The following CPAP variants were observed in gnomAD, a reference collection of about 807,000 sequenced individuals.
The protein encoded by CPAP is centrosomal P4.1-associated protein.
chr13:24,915,561 T>C, the CPAP span, among the ~76,000 whole-genome samples: 2 of 152,116 alleles, frequency 1.3e-5, 1 homozygote, highest in African/African-American at 4.8e-5. Context: ...CCCAGCACTT[T>C]GGGAGGCCGA....
the CPAP span, chr13:24,905,375 T>C: frequency 6.2e-7 from 1 of 1,614,172 alleles, no homozygotes; most frequent in Admixed American, 1.7e-5. Flanking sequence ...TATGTTTAAC[T>C]TGAGTTCATT....
At chr13:24,908,012 C>A in the CPAP span, 2 of 1,574,566 alleles carry the variant, frequency 1.3e-6, no homozygotes, top group Admixed American at 1.7e-5. Context: ...TCAACACGAA[C>A]AATACCTTTC....
the CPAP span, chr13:24,885,757 C>G: frequency 1.1e-6 from 1 of 884,190 alleles, no homozygotes; most frequent in Non-Finnish European, 1.9e-6. Context: ...AGTTCATATC[C>G]TGTGAACTGC....
chr13:24,932,736 TC>T, the CPAP span, among the ~76,000 whole-genome samples: 1,849 of 152,308 alleles, frequency 0.012, 42 homozygotes, highest in African/African-American at 0.04. Context: ...CTAAAATCTG[TC>T]ATGTTTTTAT....
chr13:24,922,170 G>A, the CPAP span, among the ~76,000 whole-genome samples: 3 of 152,140 alleles, frequency 2.0e-5, no homozygotes, highest in African/African-American at 7.2e-5. Flanking sequence ...GAAATCTCCA[G>A]AAAGTGCTAT....
chr13:24,884,196 C>A, the CPAP span: 1 of 1,614,140 alleles, frequency 6.2e-7, no homozygotes, highest in Non-Finnish European at 8.5e-7. Flanking sequence ...GACTTCCAGT[C>A]CCTCCGGGTA....
the CPAP span, among the ~76,000 whole-genome samples, chr13:24,920,063 C>T: frequency 1.3e-5 from 2 of 152,174 alleles, no homozygotes; most frequent in South Asian, 2.1e-4. Context: ...TGAGTCACTG[C>T]GCCCAGCCTA....
the CPAP span, among the ~76,000 whole-genome samples, chr13:24,916,047 G>A: frequency 6.6e-6 from 1 of 152,154 alleles, no homozygotes; most frequent in Non-Finnish European, 1.5e-5. Context: ...GACAGAATAA[G>A]AAATTGAAGG....
the CPAP span, chr13:24,909,820 A>T: frequency 1.2e-6 from 2 of 1,613,384 alleles, no homozygotes; most frequent in Non-Finnish European, 1.7e-6. Flanking sequence ...TCTTCTTTTA[A>T]ATTATTTTTT....
At chr13:24,909,961 ATGTT>A in the CPAP span, 2 of 1,614,168 alleles carry the variant, frequency 1.2e-6, no homozygotes, top group African/African-American at 2.7e-5. Flanking sequence ...TTGGACGGGT[ATGTT>A]TCTTCCTGGG....
At chr13:24,916,767 A>C in the CPAP span, among the ~76,000 whole-genome samples, 1 of 152,214 alleles carries the variant, frequency 6.6e-6, no homozygotes. Flanking sequence ...ATAAACTCAC[A>C]TTTGCAATAA....
the CPAP span, among the ~76,000 whole-genome samples, chr13:24,909,511 G>C: frequency 1.3e-5 from 2 of 150,762 alleles, no homozygotes; most frequent in Admixed American, 1.3e-4. Context: ...CTGGGTGACA[G>C]AGCGAGACTG....
At chr13:24,913,553 C>T in the CPAP span, among the ~76,000 whole-genome samples, 5 of 152,180 alleles carry the variant, frequency 3.3e-5, no homozygotes, top group Admixed American at 2.0e-4. Flanking sequence ...CTGGCAGTTT[C>T]ACCTGTCCCT....
chr13:24,916,128 G>T, the CPAP span, among the ~76,000 whole-genome samples: 3 of 152,140 alleles, frequency 2.0e-5, no homozygotes, highest in Non-Finnish European at 4.4e-5. Context: ...AAGGTGAAGA[G>T]GAGTATTTTT....
the CPAP span, among the ~76,000 whole-genome samples, chr13:24,927,100 G>A: frequency 1.2e-4 from 19 of 152,244 alleles, no homozygotes; most frequent in Admixed American, 4.6e-4. Context: ...CAGAGTGCAC[G>A]CCCTCTAAAG....
At chr13:24,885,323 C>T in the CPAP span, 2 of 1,613,990 alleles carry the variant, frequency 1.2e-6, no homozygotes, top group Non-Finnish European at 1.7e-6. Flanking sequence ...TGGTCTTCCT[C>T]CTCCTCTTTA....
the CPAP span, among the ~76,000 whole-genome samples, chr13:24,887,465 C>T: frequency 6.6e-6 from 1 of 152,142 alleles, no homozygotes. Flanking sequence ...GCATTAGATT[C>T]TCATAGGAGC....
the CPAP span, chr13:24,913,086 C>T: frequency 6.8e-7 from 1 of 1,468,490 alleles, no homozygotes; most frequent in Non-Finnish European, 9.5e-7. Flanking sequence ...TATTGATTTC[C>T]AACACCTGTA....
At chr13:24,905,836 G>C in the CPAP span, 1 of 1,614,066 alleles carries the variant, frequency 6.2e-7, no homozygotes, top group Non-Finnish European at 8.5e-7. Context: ...TATCATCACA[G>C]ACTTGTGGGC....
Sources: allele counts gnomAD v4.1 joint callset (sites outside exome capture counted in the v4.1 genomes callset), GRCh38; gene constraint gnomAD v4.1.1; transcripts MANE v1.5; gene names NCBI Gene and HGNC (gene_info 2026-07-23, HGNC 2026-07-21).